Variants in PRDM16 observed in about 807,000 individuals in gnomAD.
PRDM16 encodes PR/SET domain 16, also known as histone-lysine N-methyltransferase PRDM16.
In PRDM16, 23 loss-of-function variants were observed where a neutral mutation model predicts 110.6. The ratio of observed to expected loss-of-function variants is 0.21; its 90% confidence interval spans 0.15 to 0.29. The LOEUF (loss-of-function observed/expected upper bound fraction) is 0.29. Among genes scored for constraint, PRDM16 ranks in the 10% least tolerant of loss-of-function variants. The pLI is 1.00. For missense variants in PRDM16, 1,615 were observed against 1,794.3 expected (o/e 0.90, Z 1.81); for synonymous variants, 799 against 781.8 (o/e 1.02, Z -0.37).
chr1:3,429,258 G>T (rs1380658391), intron 14 of PRDM16, among the ~76,000 whole-genome samples: 1 of 152,232 alleles, frequency 6.6e-6, no homozygotes, highest in Admixed American at 6.5e-5. Context: ...GGGCAGCTCT[G>T]GGAAACTGAC....
chr1:3,377,877 T>TA (rs1643022330), intron 3 of PRDM16, among the ~76,000 whole-genome samples: 1 of 152,220 alleles, frequency 6.6e-6, no homozygotes, highest in Non-Finnish European at 1.5e-5. Context: ...CATCTGTTCG[T>TA]TCGTCTACCC....
intron 2 of PRDM16, among the ~76,000 whole-genome samples, chr1:3,187,896 G>T (rs1017057573): frequency 6.6e-6 from 1 of 152,218 alleles, no homozygotes; most frequent in African/African-American, 2.4e-5. Context: ...GTCAAGCAGG[G>T]TGGAAGCTGC....
At chr1:3,275,483 G>A (rs1334402233) in intron 3 of PRDM16, among the ~76,000 whole-genome samples, 1 of 152,196 alleles carries the variant, frequency 6.6e-6, no homozygotes, top group Admixed American at 6.5e-5. Flanking sequence ...GGGGGACCTG[G>A]CTACCAGGAC....
At position 3,255,366 on chromosome 1, in the gene PRDM16, C is replaced by A. The variant is rs4308919; in HGVS notation, c.438+11229C>A. Among the ~76,000 whole-genome samples the A allele has an allele frequency of 5.3e-5, 8 of 152,064 alleles. No homozygotes were observed. Among genetic ancestry groups the A allele is most frequent in the Admixed American group, 4.6e-4 (7 of 15,276 alleles). ...CCCCACAGTGGGGTCCTGAGGGTCG[C>A]GTGCAGCACACAGCCTCCCAGACGG... On this transcript the variant is annotated intron_variant, in intron 3 of 16. Transcript: ENST00000270722. The surrounding 1 kb of genome is among the most constrained non-coding windows in gnomAD (Gnocchi z 4.7).
chr1:3,290,145 C>T lies in PRDM16; in HGVS notation c.438+46008C>T, dbSNP rs1232839758. 2.0e-5 allele frequency among the ~76,000 whole-genome samples: 3 copies of T among 152,196 alleles called. No homozygotes were observed. The highest frequency in any genetic ancestry group is 7.2e-5 in the African/African-American group (3 of 41,444). On this transcript the variant is annotated intron_variant, in intron 3 of 16. Transcript: ENST00000270722. This position sits in a 1 kb window ranked among gnomAD's most constrained non-coding sequence, Gnocchi z 4.8. ...GTCATGCTGATGTGACAAACCCGGG[C>T]GCTGTTCTCCTGGGTATCACACCCT...
chr1:3,340,809 T>C (rs1642255537), intron 3 of PRDM16, among the ~76,000 whole-genome samples: 1 of 152,102 alleles, frequency 6.6e-6, no homozygotes, highest in Non-Finnish European at 1.5e-5. Flanking sequence ...TGTCAGGGTG[T>C]GGGGCAGAAG....
At chr1:3,171,976 G>A (rs1167880766) in intron 1 of PRDM16, among the ~76,000 whole-genome samples, 1 of 152,146 alleles carries the variant, frequency 6.6e-6, no homozygotes, top group African/African-American at 2.4e-5. Context: ...AGTAGAACGG[G>A]GTCCCCGGTG....
intron 1 of PRDM16, among the ~76,000 whole-genome samples, chr1:3,126,557 C>G (rs6661861): frequency 0.037 from 5,626 of 152,276 alleles, 142 homozygotes; most frequent in Non-Finnish European, 0.058. Flanking sequence ...CTTTGAAAAC[C>G]CAGGGGCCTG....
At chr1:3,234,556 G>A (rs918285720) in intron 2 of PRDM16, among the ~76,000 whole-genome samples, 5 of 152,100 alleles carry the variant, frequency 3.3e-5, no homozygotes, top group African/African-American at 9.7e-5. Flanking sequence ...GGGTGGCCAG[G>A]GCAGCTTCCC....
At chr1:3,387,813 T>G (rs992355340) in intron 4 of PRDM16, among the ~76,000 whole-genome samples, 4 of 152,258 alleles carry the variant, frequency 2.6e-5, no homozygotes, top group Non-Finnish European at 5.9e-5. Flanking sequence ...CTTTGAATAA[T>G]AATAAGATTT....
intron 4 of PRDM16, among the ~76,000 whole-genome samples, chr1:3,385,622 T>G (rs1643181997): frequency 6.6e-6 from 1 of 152,178 alleles, no homozygotes; most frequent in Non-Finnish European, 1.5e-5. Context: ...AAATGCCGCT[T>G]CCCTGAAGGA....
intron 5 of PRDM16, among the ~76,000 whole-genome samples, chr1:3,402,588 G>A (rs901854050): frequency 6.6e-6 from 1 of 152,166 alleles, no homozygotes; most frequent in Non-Finnish European, 1.5e-5. Flanking sequence ...GCCCAGGGCT[G>A]GGCCCTGGGG....
At chr1:3,352,408 C>T (rs1327155102) in intron 3 of PRDM16, among the ~76,000 whole-genome samples, 1 of 152,198 alleles carries the variant, frequency 6.6e-6, no homozygotes, top group Non-Finnish European at 1.5e-5. Flanking sequence ...CCCTCCCCTC[C>T]GAAGCCGGCG....
At chr1:3,377,857 C>T (rs940471312) in intron 3 of PRDM16, among the ~76,000 whole-genome samples, 5 of 152,174 alleles carry the variant, frequency 3.3e-5, no homozygotes, top group African/African-American at 1.2e-4. Flanking sequence ...CCGGGTTGGT[C>T]ACTTGCATGC....
intron 3 of PRDM16, among the ~76,000 whole-genome samples, chr1:3,285,454 C>T (rs920035037): frequency 3.3e-5 from 5 of 152,202 alleles, no homozygotes; most frequent in Admixed American, 6.5e-5. Context: ...CTGCCACAGC[C>T]GCTGTGTCGC....
chr1:3,400,326 C>T (rs1290513188), intron 5 of PRDM16, among the ~76,000 whole-genome samples: 1 of 152,228 alleles, frequency 6.6e-6, no homozygotes, highest in Non-Finnish European at 1.5e-5. Context: ...GAGGACAGGA[C>T]CTGCCACGTG....
chr1:3,233,286 G>C (rs1639459058), intron 2 of PRDM16, among the ~76,000 whole-genome samples: 3 of 152,222 alleles, frequency 2.0e-5, no homozygotes, highest in Admixed American at 2.0e-4. Context: ...TTCAGAAGCA[G>C]GGTGGAAAAT....
intron 2 of PRDM16, among the ~76,000 whole-genome samples, chr1:3,205,018 C>T (rs1342524852): frequency 6.6e-6 from 1 of 152,066 alleles, no homozygotes; most frequent in Non-Finnish European, 1.5e-5. Flanking sequence ...GAAGGGGAAA[C>T]GCAGGCCCGG....
chr1:3,241,735 C>T (rs902238030), intron 2 of PRDM16, among the ~76,000 whole-genome samples: 3 of 152,176 alleles, frequency 2.0e-5, no homozygotes, highest in African/African-American at 2.4e-5. Flanking sequence ...CCCGGACGCT[C>T]GGAGGGCAGG....
Sources: gnomAD v4.1 joint callset for allele counts (sites outside exome capture counted in the v4.1 genomes callset) on GRCh38, gnomAD v4.1.1 for gene constraint, Gnocchi (gnomAD v3.1) non-coding constraint, MANE v1.5 for transcripts, NCBI Gene and HGNC (gene_info 2026-07-23, HGNC 2026-07-21) for gene names.